Variants in SULT1A1 observed in about 807,000 individuals in gnomAD.
SULT1A1 encodes sulfotransferase 1A1.
A neutral mutation model predicts 36.8 loss-of-function variants in SULT1A1; 35 were observed. The observed-to-expected ratio is 0.95, with a 90% CI of 0.73 to 1.26. The LOEUF (loss-of-function observed/expected upper bound fraction) is 1.26. Among genes scored for constraint, SULT1A1 ranks in the 50% most tolerant of loss-of-function variants. SULT1A1 has a pLI of 0.00. For missense variants in SULT1A1, 309 were observed against 383.0 expected (o/e 0.81, Z 1.61); for synonymous variants, 119 against 146.0 (o/e 0.82, Z 1.33).
chr16:28,617,634 C>T (rs1267829231), intron 2 of SULT1A1, among the ~76,000 whole-genome samples: 22 of 152,030 alleles, frequency 1.4e-4, no homozygotes, highest in Admixed American at 1.3e-4. Flanking sequence ...CTCCGCCTCC[C>T]GGGTTCCAGC....
upstream of SULT1A1, among the ~76,000 whole-genome samples, chr16:28,614,431 G>C (rs1461347442): frequency 7.7e-6 from 1 of 129,090 alleles, no homozygotes; most frequent in Admixed American, 8.1e-5. Context: ...CCTTCCTCCT[G>C]GCACAGAGAC....
upstream of SULT1A1, chr16:28,614,638 C>T (rs1303992445): frequency 7.7e-6 from 1 of 130,446 alleles, no homozygotes; most frequent in African/African-American, 2.6e-5. Context: ...TCAGGCTGGT[C>T]TCGAACTCCT....
At chr16:28,608,126 T>C (rs2047289686) in intron 4 of SULT1A1, 165 bp downstream of exon 4, 1 of 1,031,610 alleles carries the variant, frequency 9.7e-7, no homozygotes, top group Non-Finnish European at 1.4e-6. Context: ...TAGCTGGGAT[T>C]ACAGGCACCC....
At position 28,606,074 on chromosome 16, in the gene SULT1A1, A is replaced by T; in HGVS notation, c.757T>A (p.Ser253Thr). The stretch of plus-strand genomic sequence containing the variant: ...CACCCACCTTTCCTCATGAAGGGGG[A>T]GATGCTGTGGTCCATGAACTCCTGG... ...VPQEFMDHSISPFMRKGMAGD... is the reference protein window; with the variant it reads ...VPQEFMDHSITPFMRKGMAGD... The change falls in exon 7 of 8, where the codon TCC (serine) becomes ACC (threonine). Residue 253 changes from serine to threonine, a missense_variant. Physicochemically the swap from Ser to Thr is moderately conservative, Grantham distance 58 (BLOSUM62 1). Around this residue, in one of 3 missense-constraint regions of SULT1A1, gnomAD observed 67 missense variants for 122.0 expected, o/e 0.55. Coordinates refer to ENST00000314752, the MANE Select transcript of SULT1A1 (RefSeq NM_001055.4). 2.9e-6 allele frequency: 4 copies of T among 1,356,430 alleles called. No individual in the cohort carries two copies. The highest frequency in any genetic ancestry group is 3.9e-6 in the Non-Finnish European group (4 of 1,022,758). 84.0% of individuals were successfully genotyped at this position (1,356,430 alleles called of 1,614,324 possible). A position where few individuals can be genotyped will look rare whatever the true frequency, so the allele number is the denominator to read the frequency against.
chr16:28,616,364 C>T (rs879853310), intron 2 of SULT1A1, among the ~76,000 whole-genome samples: 5 of 152,168 alleles, frequency 3.3e-5, no homozygotes, highest in East Asian at 1.9e-4. Context: ...TCTCTTGCCT[C>T]GGTGCCTGGG....
rs1311774802 is a variant in SULT1A1 at position 28,609,928 on chromosome 16, C to T, written c.-5+3G>A. The T allele has an allele frequency of 7.0e-6, 9 of 1,286,206 alleles. No individual in the cohort carries two copies. In the African/African-American group the frequency reaches 9.1e-5, roughly 13 times the overall value. 79.7% of individuals were successfully genotyped at this position (1,286,206 alleles called of 1,614,324 possible). On this transcript the variant is annotated splice_donor_region_variant and intron_variant, in intron 1 of 7. Transcript: ENST00000314752. ...CCCTGGGCCGTTCCACTGTGTCACT[C>T]ACCTGAGCTCTTGGGAACCTGGCCT...
chr16:28,605,950 G>C lies in SULT1A1; in HGVS notation c.776-17C>G, dbSNP rs373809591. On this transcript the variant is annotated splice_polypyrimidine_tract_variant and intron_variant, in intron 7 of 7. Transcript: ENST00000314752. ...CAGCCATGCCTGGGGGAGGAAGGCA[G>C]GGAGCAAAGCTGGAGTCTCATCCCA... 3.3e-4 allele frequency: 536 copies of C among 1,604,316 alleles called. 14 individuals carry two copies. The highest frequency in any genetic ancestry group is 4.2e-4 in the Non-Finnish European group (493 of 1,173,858).
In SULT1A1 at chr16:28,609,321, T is replaced by A. The variant is rs1451021823; in HGVS notation, c.-4-462A>T. On this transcript the variant is annotated intron_variant, in intron 1 of 7. Transcript: ENST00000314752. ...TCCTTGAGCCCCTCAGCCCCTCACATGTGGAAACCGCCCAGGCCAGCCAGG... is the reference window on the plus strand; with the variant it reads ...TCCTTGAGCCCCTCAGCCCCTCACAAGTGGAAACCGCCCAGGCCAGCCAGG... 2.3e-6 allele frequency: 3 copies of A among 1,284,628 alleles called. No individual in the cohort carries two copies. The African/African-American group carries it at 4.5e-5, about 19-fold the overall frequency. The allele number at this position is 1,284,628 out of a possible 1,614,324, so 79.6% of individuals were successfully genotyped here.
At chr16:28,610,796 AC>A (rs1417062842), upstream of SULT1A1, 1 of 152,696 alleles carries the variant, frequency 6.5e-6, no homozygotes, top group East Asian at 1.9e-4. Flanking sequence ...TTTGGAAGCC[AC>A]AGGGCCCCGT....
At chr16:28,608,883 C>A (rs1262478606) in intron 1 of SULT1A1, 24 bp from the exon 2 acceptor site, 8 of 1,611,278 alleles carry the variant, frequency 5.0e-6, no homozygotes, top group African/African-American at 4.0e-5. Context: ...CAGAGCCAGG[C>A]CCGTTCCCTT....
chr16:28,610,498 C>T, upstream of SULT1A1: 1 of 318,260 alleles, frequency 3.1e-6, no homozygotes, highest in Non-Finnish European at 6.1e-6. Flanking sequence ...AGCCCACAGG[C>T]CCCCAGCAGC....
At chr16:28,620,581 AAAG>A (rs2047631877) in intron 1 of SULT1A1, among the ~76,000 whole-genome samples, 2 of 151,698 alleles carry the variant, frequency 1.3e-5, no homozygotes, top group Admixed American at 1.3e-4. Context: ...AAAAAAAAAA[AAAG>A]AACATAGTCT....
intron 4 of SULT1A1, 45 bp from the exon 5 acceptor site, chr16:28,607,122 C>G: frequency 1.2e-6 from 2 of 1,607,552 alleles, no homozygotes; most frequent in South Asian, 2.2e-5. Context: ...ACCACACAGC[C>G]TGTCCCAGGC....
At chr16:28,623,240 C>A (rs1476142478) in exon 1 of SULT1A1, 5 of 1,545,164 alleles carry the variant, frequency 3.2e-6, no homozygotes, top group Non-Finnish European at 3.5e-6. Flanking sequence ...CCAGCAGGCC[C>A]AGCCACACGT....
rs1403873789 is a variant in SULT1A1, at chr16:28,606,234, G to A, written c.597C>T (p.Asn199=). 1.6e-5 allele frequency: 25 copies of A among 1,610,026 alleles called. No homozygotes were observed. The highest frequency in any genetic ancestry group is 2.0e-5 in the Non-Finnish European group (24 of 1,177,214). ...GGATCTTTTGAATCTCCCTTTTCGG[G>A]TTCTGAGCAGCAGAGGGCCCCTCAG... The part of the protein sequence containing the change: ...LYLFYEDMKE[N]PKREIQKILE... Residue 199 remains asparagine (N), a splice_region_variant and synonymous_variant, in exon 7 of 8, where the codon AAC becomes AAT. Transcript: ENST00000314752.
At chr16:28,606,313 C>T in intron 6 of SULT1A1, 77 bp from the exon 7 acceptor site, 1 of 1,603,220 alleles carries the variant, frequency 6.2e-7, no homozygotes, top group Non-Finnish European at 8.5e-7. Context: ...CTTCTCTAAC[C>T]TCAGAGGCGA....
chr16:28,615,741 T>G (rs1011970490), intron 2 of SULT1A1, among the ~76,000 whole-genome samples: 1 of 151,778 alleles, frequency 6.6e-6, no homozygotes, highest in Non-Finnish European at 1.5e-5. Flanking sequence ...GGCTGAAGGG[T>G]CAGGGTAAAG....
intron 2 of SULT1A1, among the ~76,000 whole-genome samples, chr16:28,619,757 T>TATCC (rs1555485364): frequency 1.3e-5 from 2 of 148,610 alleles, no homozygotes; most frequent in Non-Finnish European, 3.0e-5. Flanking sequence ...TATACATATA[T>TATCC]ATATATAGAC....
At chr16:28,609,659 G>A (rs1315538313) in intron 1 of SULT1A1, 1 of 386,738 alleles carries the variant, frequency 2.6e-6, no homozygotes, top group African/African-American at 2.1e-5. Flanking sequence ...TCCAGAGGCT[G>A]AGGCAAGAGA....
Sources: allele counts gnomAD v4.1 joint callset (sites outside exome capture counted in the v4.1 genomes callset), GRCh38; gene constraint gnomAD v4.1.1; regional missense constraint gnomAD v4.1.1; transcripts MANE v1.5; gene names NCBI Gene and HGNC (gene_info 2026-07-23, HGNC 2026-07-21).